The following TENM2 variants were observed in gnomAD, a reference collection of about 807,000 sequenced individuals.
TENM2 encodes the protein teneurin transmembrane protein 2, also known as teneurin-2.
In TENM2, 52 loss-of-function variants were observed where a neutral mutation model predicts 245.2. The ratio of observed to expected loss-of-function variants is 0.21; its 90% confidence interval spans 0.17 to 0.27. TENM2 has a LOEUF of 0.27. Among genes scored for constraint, TENM2 ranks in the 10% least tolerant of loss-of-function variants. The pLI is 1.00. For missense variants in TENM2, 3,046 were observed against 3,666.8 expected (o/e 0.83, Z 4.37); for synonymous variants, 1,363 against 1,438.9 (o/e 0.95, Z 1.19).
At chr5:167,340,436 T>C (rs75941495) in intron 1 of TENM2, among the ~76,000 whole-genome samples, 3,254 of 152,322 alleles carry the variant, frequency 0.021, 142 homozygotes, top group African/African-American at 0.074. Flanking sequence ...CCCAGCATGG[T>C]TGAGTTCTGG....
rs184207774 is a variant in TENM2, at chr5:167,847,262, C to G, written c.503-28724C>G. ...GCCGCCATGCCCAGCCTCACCCTAT[C>G]TTTATCCCACATAAATGTCTTTTCT... On this transcript the variant is annotated intron_variant, in intron 2 of 28. Coordinates refer to ENST00000518659, the Ensembl canonical transcript of TENM2. Among the ~76,000 whole-genome samples, 237 of 152,302 alleles carry G rather than the reference C, an allele frequency of 1.6e-3. 2 individuals are homozygous for G. Among genetic ancestry groups the G allele is most frequent in the Non-Finnish European group, 2.6e-3 (180 of 68,026 alleles).
At chr5:167,399,641 T>A (rs1356796962) in intron 2 of TENM2, among the ~76,000 whole-genome samples, 1 of 152,158 alleles carries the variant, frequency 6.6e-6, no homozygotes, top group African/African-American at 2.4e-5. Context: ...ACTTCCTAGC[T>A]TTTGGGATGT....
intron 16 of TENM2, 145 bp from the exon 19 acceptor site, chr5:168,199,719 C>A (rs564868302): frequency 2.5e-6 from 2 of 786,876 alleles, no homozygotes; most frequent in African/African-American, 3.4e-5. Flanking sequence ...TGTTGTTTTT[C>A]TTTCTCAGTG....
At chr5:168,252,921 G>C (rs779604974) in intron 27 of TENM2, among the ~76,000 whole-genome samples, 1 of 151,780 alleles carries the variant, frequency 6.6e-6, no homozygotes, top group Non-Finnish European at 1.5e-5. Flanking sequence ...GTGTGACTTA[G>C]ACAAATATCT....
the TENM2 span, among the ~76,000 whole-genome samples, chr5:166,981,075 T>C: frequency 6.6e-6 from 1 of 152,202 alleles, no homozygotes; most frequent in African/African-American, 2.4e-5. Context: ...ACTCAACTAG[T>C]CAGATCTTCT....
the TENM2 span, among the ~76,000 whole-genome samples, chr5:167,261,435 A>G: frequency 1.3e-5 from 2 of 152,282 alleles, no homozygotes; most frequent in South Asian, 4.1e-4. Context: ...AACTTTTAAC[A>G]CAGATTCTGA....
At chr5:167,733,191 A>ACATCCACTAACTCCTCATCTCCTTGC (rs1760558916) in intron 2 of TENM2, among the ~76,000 whole-genome samples, 1 of 152,072 alleles carries the variant, frequency 6.6e-6, no homozygotes. Flanking sequence ...CCCTTCTGTA[A>ACATCCACTAACTCCTCATCTCCTTGC]CATCCACTAA....
chr5:168,011,417 A>G lies in TENM2; in HGVS notation c.1186+18235A>G, dbSNP rs563271228. On this transcript the variant is annotated intron_variant, in intron 5 of 28. Transcript: ENST00000518659. The stretch of plus-strand genomic sequence containing the variant: ...CCAGTATGTAGCAAGCGGAGACCAG[A>G]TATGCTGCTAAACATTTTTCAATGC... Among the ~76,000 whole-genome samples the G allele has an allele frequency of 2.0e-5, 3 of 152,300 alleles. No individual in the cohort carries two copies. In the East Asian group the frequency reaches 5.8e-4, roughly 29 times the overall value.
At chr5:167,346,390 CTTT>C (rs1758459848) in intron 1 of TENM2, among the ~76,000 whole-genome samples, 6 of 152,184 alleles carry the variant, frequency 3.9e-5, no homozygotes. Flanking sequence ...TAATGAGCTA[CTTT>C]ATTTGGTCTG....
At chr5:167,129,103 T>C in the TENM2 span, among the ~76,000 whole-genome samples, 4 of 152,268 alleles carry the variant, frequency 2.6e-5, no homozygotes, top group South Asian at 6.2e-4. Context: ...TTCATATATT[T>C]TCCCCTTCAT....
intron 2 of TENM2, among the ~76,000 whole-genome samples, chr5:167,713,565 C>A (rs904736574): frequency 1.3e-5 from 2 of 151,642 alleles, no homozygotes; most frequent in African/African-American, 2.4e-5. Context: ...CATGCGCACA[C>A]CCCCACCACC....
the TENM2 span, among the ~76,000 whole-genome samples, chr5:167,177,946 C>A: frequency 6.6e-6 from 1 of 152,204 alleles, no homozygotes; most frequent in Non-Finnish European, 1.5e-5. Flanking sequence ...CAGGCCTGAG[C>A]AGCCTCAGCT....
the TENM2 span, among the ~76,000 whole-genome samples, chr5:167,269,737 GC>G: frequency 1.2e-4 from 18 of 152,050 alleles, no homozygotes; most frequent in Non-Finnish European, 1.5e-5. Flanking sequence ...CTCTGGATAT[GC>G]CTCTTTTACA....
At chr5:167,063,751 T>C in the TENM2 span, among the ~76,000 whole-genome samples, 1 of 152,216 alleles carries the variant, frequency 6.6e-6, no homozygotes, top group Non-Finnish European at 1.5e-5. Context: ...TTTTGAAATA[T>C]GTGCAAAATC....
At chr5:167,434,084 T>A (rs1764398402) in intron 2 of TENM2, among the ~76,000 whole-genome samples, 3 of 152,242 alleles carry the variant, frequency 2.0e-5, no homozygotes, top group South Asian at 2.1e-4. Flanking sequence ...CATCTTAATA[T>A]AACTCTTATT....
chr5:167,519,838 G>A (rs910448834), intron 2 of TENM2, among the ~76,000 whole-genome samples: 5 of 152,008 alleles, frequency 3.3e-5, no homozygotes, highest in Non-Finnish European at 7.4e-5. Flanking sequence ...CAGTCAGTTC[G>A]GATTTATATT....
rs377457371 is a variant in TENM2 at position 168,118,299 on chromosome 5, C to T, written c.1821C>T (p.Cys607=). Reference sequence around the variant, plus strand: ...TGTCTTTGGTTTGTGCAGCTGCCTGCCCTGTCCTGTGCAGTGGGAATGGAC... The same window carrying T: ...TGTCTTTGGTTTGTGCAGCTGCCTGTCCTGTCCTGTGCAGTGGGAATGGAC... Residue 607 remains cysteine, a synonymous_variant, in exon 10 of 29, where the codon TGC becomes TGT. Transcript: ENST00000518659. 42 of 1,583,078 alleles carry T rather than the reference C, an allele frequency of 2.7e-5. No homozygotes were observed. In the African/African-American group the frequency reaches 5.0e-4, roughly 19 times the overall value.
At position 168,010,793 on chromosome 5, in the gene TENM2, T is replaced by C. The variant is rs201873649; in HGVS notation, c.1186+17611T>C. ...TCTTTTATAGTTTCCGTGTGGGAGATGAGCAGGGGCTTGGCAAGCACTGTC... is the reference window on the plus strand; with the variant it reads ...TCTTTTATAGTTTCCGTGTGGGAGACGAGCAGGGGCTTGGCAAGCACTGTC... On this transcript the variant is annotated intron_variant, in intron 5 of 28. Transcript: ENST00000518659. Among the ~76,000 whole-genome samples the C allele has an allele frequency of 1.6e-4, 24 of 152,358 alleles. No homozygotes were observed. In the East Asian group the frequency reaches 4.6e-3, roughly 29 times the overall value.
chr5:167,231,905 A>AT, the TENM2 span, among the ~76,000 whole-genome samples: 1 of 152,116 alleles, frequency 6.6e-6, no homozygotes, highest in Non-Finnish European at 1.5e-5. Flanking sequence ...TGCTTTCTGC[A>AT]TTTTTGGGAC....
Sources: gnomAD v4.1 joint callset for allele counts (sites outside exome capture counted in the v4.1 genomes callset) on GRCh38, gnomAD v4.1.1 for gene constraint, MANE v1.5 for transcripts, NCBI Gene and HGNC (gene_info 2026-07-23, HGNC 2026-07-21) for gene names.